Variants in PTGER2 observed in about 807,000 individuals in gnomAD.
PTGER2 encodes prostaglandin E2 receptor EP2 subtype.
A neutral mutation model predicts 26.2 loss-of-function variants in PTGER2; 22 were observed. The ratio of observed to expected loss-of-function variants is 0.84; its 90% confidence interval spans 0.60 to 1.20. The LOEUF (loss-of-function observed/expected upper bound fraction) is 1.20. PTGER2 is among the 50% of genes most tolerant of loss of function. The probability of loss-of-function intolerance (pLI) is 0.00; values close to 1 mark genes in which losing one functional copy is unlikely to be tolerated. For missense variants in PTGER2, 458 were observed against 475.2 expected (o/e 0.96, Z 0.34); for synonymous variants, 219 against 208.9 (o/e 1.05, Z -0.42).
rs138742544 is a variant in PTGER2, at chr14:52,325,669, G to C, written c.844-1552G>C. ...CTGACAAGAAAGCTATTGCTCCATT[G>C]CACCTCCTCACCTAGCTTTCCTCTA... is the stretch of plus-strand genomic sequence containing the variant. On this transcript the variant is annotated intron_variant, in intron 1 of 1. Coordinates refer to ENST00000245457, the MANE Select transcript of PTGER2 (RefSeq NM_000956.4). Among the ~76,000 whole-genome samples the C allele has an allele frequency of 3.3e-5, 5 of 152,254 alleles. No homozygotes were observed. In the East Asian group the frequency reaches 9.6e-4, roughly 29 times the overall value.
At chr14:52,321,547 C>T (rs1279137947) in intron 1 of PTGER2, among the ~76,000 whole-genome samples, 3 of 152,180 alleles carry the variant, frequency 2.0e-5, no homozygotes, top group Admixed American at 6.5e-5. Context: ...TCATGCTAAG[C>T]TTTACATTAC....
Position 52,315,364 on chromosome 14 carries a change from C to T in PTGER2, c.816C>T (p.Thr272=). ...HLILLAIMTI[T]FAVCSLPFTI... ...TTCTCCTGGCTATCATGACCATCAC[C>T]TTCGCCGTCTGCTCCTTGCCTTTCA... Residue 272 remains threonine, a synonymous_variant, in exon 1 of 2, where the codon ACC becomes ACT. Transcript: ENST00000245457. The T allele has an allele frequency of 6.2e-7, 1 of 1,613,466 alleles. No homozygotes were observed. The highest frequency in any genetic ancestry group is 8.5e-7 in the Non-Finnish European group (1 of 1,180,014).
chr14:52,315,657 T>C (rs2033833641), intron 1 of PTGER2, among the ~76,000 whole-genome samples: 1 of 151,926 alleles, frequency 6.6e-6, no homozygotes, highest in Admixed American at 6.6e-5. Flanking sequence ...TCAGCTAAGC[T>C]AGCCAATCTC....
Position 52,327,276 on chromosome 14 carries a change from C to G in PTGER2, c.899C>G (p.Ala300Gly). 1 of 1,613,728 alleles carries G rather than the reference C, an allele frequency of 6.2e-7. No homozygotes were observed. The highest frequency in any genetic ancestry group is 8.5e-7 in the Non-Finnish European group (1 of 1,179,732). Residue 300 changes from alanine (A) to glycine (G), a missense_variant, in exon 2 of 2, where the codon GCT becomes GGT. Transcript: ENST00000245457. ...SSRKEKWDLQ[A>G]LRFLSINSII... Reference sequence around the variant, plus strand: ...CGAAAGGAAAAATGGGACCTCCAAGCTCTTAGGTTTTTATCAATTAATTCA... The same window carrying G: ...CGAAAGGAAAAATGGGACCTCCAAGGTCTTAGGTTTTTATCAATTAATTCA...
Position 52,314,394 on chromosome 14 carries a change from A to T in PTGER2, c.-155A>T. 1 of 931,616 alleles carries T rather than the reference A, an allele frequency of 1.1e-6. No homozygotes were observed. Among genetic ancestry groups the T allele is most frequent in the East Asian group, 3.3e-5 (1 of 30,200 alleles). The allele number at this position is 931,616 out of a possible 1,614,324, so 57.7% of individuals were successfully genotyped here. On this transcript the variant is annotated 5_prime_UTR_variant, in exon 1 of 2. The change creates a new upstream start codon in the 5' untranslated region. Transcript: ENST00000245457. This position sits in a 1 kb window ranked among gnomAD's most constrained non-coding sequence, Gnocchi z 5.7. ...GGCGCGCGGCGGGAGACCCAGGGCA[A>T]GCCGCCGTCGGCGCGCTGGGTGCGG...
intron 1 of PTGER2, among the ~76,000 whole-genome samples, chr14:52,321,594 G>T (rs1385546375): frequency 6.6e-6 from 1 of 152,170 alleles, no homozygotes; most frequent in African/African-American, 2.4e-5. Context: ...GTGTCTAGTG[G>T]CTAAAAGCCA....
Position 52,315,246 on chromosome 14 carries a change from G to C in PTGER2, c.698G>C (p.Arg233Pro), listed in dbSNP as rs745828156. ...IRMHRRSRRS[R>P]CGPSLGSGRG... ...ATGCACCGCCGAAGCCGGAGAAGCC[G>C]CTGCGGACCTTCCCTGGGCAGTGGC... Residue 233 changes from arginine (R) to proline (P), a missense_variant, in exon 1 of 2, where the codon CGC (arginine) becomes CCC (proline). Arg to Pro is a moderately radical substitution (Grantham distance 103). Transcript: ENST00000245457. 6.2e-7 allele frequency: 1 copy of C among 1,612,678 alleles called. No individual in the cohort carries two copies. The highest frequency in any genetic ancestry group is 1.3e-5 in the African/African-American group (1 of 74,892).
chr14:52,314,656 G>A lies in PTGER2; in HGVS notation c.108G>A (p.Val36=). The A allele has an allele frequency of 6.6e-7, 1 of 1,520,034 alleles. No homozygotes were observed. Among genetic ancestry groups the A allele is most frequent in the South Asian group, 1.3e-5 (1 of 76,110 alleles). The allele number at this position is 1,520,034 out of a possible 1,614,324, so 94.2% of individuals were successfully genotyped here. ...GCTCCGTCATGTTCTCGGCCGGGGT[G>A]CTGGGGAACCTCATAGCACTGGCGC... is the stretch of plus-strand genomic sequence containing the variant. ...AISSVMFSAG[V]LGNLIALALL... is the part of the protein sequence containing the mutation. Residue 36 remains valine (V), a synonymous_variant, in exon 1 of 2, where the codon GTG becomes GTA. Transcript: ENST00000245457. The surrounding 1 kb of genome is among the most constrained non-coding windows in gnomAD (Gnocchi z 5.7).
intron 1 of PTGER2, among the ~76,000 whole-genome samples, chr14:52,321,156 G>T (rs1468787109): frequency 6.6e-6 from 1 of 152,130 alleles, no homozygotes; most frequent in South Asian, 2.1e-4. Context: ...TTTTCCTATT[G>T]CAGGAAAATA....
rs2033966699 is a variant in PTGER2, at chr14:52,327,740, G to A, written c.*286G>A. On this transcript the variant is annotated 3_prime_UTR_variant, in exon 2 of 2. Coordinates refer to ENST00000245457, the MANE Select transcript of PTGER2 (RefSeq NM_000956.4). ...GCTGCCTATTGATTTAAGCTTTCCT[G>A]TTGAATGACAAAGTATGTGGTTTTG... 3 of 331,214 alleles carry A rather than the reference G, an allele frequency of 9.1e-6. No individual in the cohort carries two copies. The highest frequency in any genetic ancestry group is 2.1e-5 in the African/African-American group (1 of 46,972). The allele number at this position is 331,214 out of a possible 1,614,324, so 20.5% of individuals were successfully genotyped here. A position where few individuals can be genotyped will look rare whatever the true frequency, so the allele number is the denominator to read the frequency against.
chr14:52,324,362 T>G (rs1254585), intron 1 of PTGER2, among the ~76,000 whole-genome samples: 88,403 of 152,072 alleles, frequency 0.58, 29,316 homozygotes, highest in Non-Finnish European at 0.76. Context: ...TTCAGCAGGC[T>G]CTAAGCTATA....
chr14:52,327,308 G>A lies in PTGER2; in HGVS notation c.931G>A (p.Asp311Asn). Residue 311 changes from aspartate to asparagine, a missense_variant, in exon 2 of 2, where the codon GAC (aspartate) becomes AAC (asparagine). By Grantham distance (23) the Asp-to-Asn change is conservative (BLOSUM62 1). Transcript: ENST00000245457. ...GTTTTTATCAATTAATTCAATAATT[G>A]ACCCTTGGGTCTTTGCCATCCTTAG... ...LRFLSINSII[D>N]PWVFAILRPP... is the part of the protein sequence containing the mutation. 1 of 1,613,396 alleles carries A rather than the reference G, an allele frequency of 6.2e-7. No homozygotes were observed. Among genetic ancestry groups the A allele is most frequent in the Non-Finnish European group, 8.5e-7 (1 of 1,179,466 alleles).
At position 52,315,229 on chromosome 14, in the gene PTGER2, C is replaced by A. The variant is rs1352414087; in HGVS notation, c.681C>A (p.Arg227=). ...TTCTCAACCTCATCCGCATGCACCG[C>A]CGAAGCCGGAGAAGCCGCTGCGGAC... The part of the protein sequence containing the change: ...SVILNLIRMH[R]RSRRSRCGPS... Residue 227 remains arginine (R), a synonymous_variant, in exon 1 of 2, where the codon CGC becomes CGA. Transcript: ENST00000245457. 6.2e-7 allele frequency: 1 copy of A among 1,612,140 alleles called. No homozygotes were observed. The highest frequency in any genetic ancestry group is 1.1e-5 in the South Asian group (1 of 90,994).
chr14:52,327,362 G>T lies in PTGER2; in HGVS notation c.985G>T (p.Val329Phe). ...RPPVLRLMRS[V>F]LCCRISLRTQ... is the part of the protein sequence containing the mutation. ...TCCTGTTCTGAGACTAATGCGTTCA[G>T]TCCTCTGTTGTCGGATTTCATTAAG... The change falls in exon 2 of 2, where the codon GTC becomes TTC. Residue 329 changes from valine to phenylalanine, a missense_variant. Transcript: ENST00000245457. The T allele has an allele frequency of 6.2e-7, 1 of 1,613,594 alleles. No homozygotes were observed. Among genetic ancestry groups the T allele is most frequent in the Non-Finnish European group, 8.5e-7 (1 of 1,179,588 alleles).
chr14:52,324,868 G>C (rs1187336167), intron 1 of PTGER2, among the ~76,000 whole-genome samples: 1 of 152,226 alleles, frequency 6.6e-6, no homozygotes, highest in Non-Finnish European at 1.5e-5. Context: ...GCTGGGCGCA[G>C]TGGCTCACAC....
At chr14:52,322,366 A>G (rs2033904711) in intron 1 of PTGER2, among the ~76,000 whole-genome samples, 2 of 152,194 alleles carry the variant, frequency 1.3e-5, no homozygotes, top group Admixed American at 6.5e-5. Context: ...CAAAGATCAC[A>G]TGCTTCTGAG....
intron 1 of PTGER2, among the ~76,000 whole-genome samples, chr14:52,323,946 G>A (rs150250365): frequency 0.012 from 1,870 of 152,282 alleles, 38 homozygotes; most frequent in African/African-American, 0.043. Flanking sequence ...CTGAATTGCC[G>A]AATATCACTG....
In PTGER2 at chr14:52,314,439, G is replaced by T; in HGVS notation, c.-110G>T. The T allele has an allele frequency of 8.1e-7, 1 of 1,231,406 alleles. No homozygotes were observed. The highest frequency in any genetic ancestry group is 1.0e-6 in the Non-Finnish European group (1 of 956,662). 76.3% of individuals were successfully genotyped at this position (1,231,406 alleles called of 1,614,324 possible). On this transcript the variant is annotated 5_prime_UTR_variant, in exon 1 of 2. Coordinates refer to ENST00000245457, the MANE Select transcript of PTGER2 (RefSeq NM_000956.4). This position sits in a 1 kb window ranked among gnomAD's most constrained non-coding sequence, Gnocchi z 5.7. Reference sequence around the variant, plus strand: ...GTGCGGGAAGGGGGCTCTGGATTTCGGTCCCTCCCCTTTTTCCTCTGAGTC... The same window carrying T: ...GTGCGGGAAGGGGGCTCTGGATTTCTGTCCCTCCCCTTTTTCCTCTGAGTC...
chr14:52,315,890 T>G (rs1594635706), intron 1 of PTGER2, among the ~76,000 whole-genome samples: 1 of 152,208 alleles, frequency 6.6e-6, no homozygotes, highest in African/African-American at 2.4e-5. Flanking sequence ...CCCATAGCAT[T>G]CCAGCTGCCA....
Sources: allele counts gnomAD v4.1 joint callset (sites outside exome capture counted in the v4.1 genomes callset), GRCh38; gene constraint gnomAD v4.1.1; non-coding constraint Gnocchi (gnomAD v3.1); transcripts MANE v1.5; gene names NCBI Gene and HGNC (gene_info 2026-07-23, HGNC 2026-07-21).